N4BP2: variants seen among roughly 807,000 people sequenced by gnomAD.
N4BP2 encodes NEDD4 binding protein 2.
In N4BP2, 91 loss-of-function variants were observed where a neutral mutation model predicts 152.8. That is an observed-to-expected ratio of 0.60 (90% CI 0.50 to 0.71). The LOEUF (loss-of-function observed/expected upper bound fraction) is 0.71. Ranked by LOEUF, N4BP2 falls within the 30% of genes least tolerant of loss-of-function variation. The probability of loss-of-function intolerance (pLI) is 0.00; values close to 1 mark genes in which losing one functional copy is unlikely to be tolerated. For synonymous variants in N4BP2, 646 were observed against 705.3 expected (o/e 0.92, Z 1.33); for missense variants, 1,923 against 2,059.1 (o/e 0.93, Z 1.28).
At chr4:40,110,037 C>T (rs1716720059) in intron 5 of N4BP2, among the ~76,000 whole-genome samples, 1 of 152,068 alleles carries the variant, frequency 6.6e-6, no homozygotes, top group Admixed American at 6.5e-5. Flanking sequence ...GTGTTTTGTC[C>T]CTATAGATAA....
At chr4:40,101,688 T>C (rs67496061) in intron 3 of N4BP2, among the ~76,000 whole-genome samples, 27,538 of 152,110 alleles carry the variant, frequency 0.18, 3,131 homozygotes, top group Admixed American at 0.26. Context: ...TACTTAATAT[T>C]TAAAAGTTTG....
chr4:40,093,919 G>A (rs967468750), intron 2 of N4BP2, among the ~76,000 whole-genome samples: 1 of 152,080 alleles, frequency 6.6e-6, no homozygotes, highest in Admixed American at 6.6e-5. Context: ...ACTTTTAGTA[G>A]AGATGGGGTT....
At chr4:40,091,084 A>G (rs184805391) in intron 2 of N4BP2, among the ~76,000 whole-genome samples, 17 of 150,390 alleles carry the variant, frequency 1.1e-4, no homozygotes, top group East Asian at 1.9e-4. Context: ...AGTATGTATA[A>G]ATACAGTTTC....
intron 2 of N4BP2, among the ~76,000 whole-genome samples, chr4:40,074,270 T>C (rs1207067172): frequency 6.6e-6 from 1 of 152,152 alleles, no homozygotes. Context: ...TTTGTATTTT[T>C]AGTAGCGATG....
At chr4:40,165,708 G>T in the N4BP2 span, among the ~76,000 whole-genome samples, 3 of 152,326 alleles carry the variant, frequency 2.0e-5, no homozygotes, top group East Asian at 5.8e-4. Context: ...CACACATAGA[G>T]TGAATAGAAT....
chr4:40,085,902 T>C (rs548572132), intron 2 of N4BP2, among the ~76,000 whole-genome samples: 1 of 152,234 alleles, frequency 6.6e-6, no homozygotes, highest in South Asian at 2.1e-4. Flanking sequence ...TGCTCACACC[T>C]GTAATCCCAG....
At chr4:40,179,239 T>G in the N4BP2 span, among the ~76,000 whole-genome samples, 1 of 152,124 alleles carries the variant, frequency 6.6e-6, no homozygotes, top group East Asian at 1.9e-4. Context: ...GTGTGGTGGC[T>G]GACGCCTGTA....
Position 40,112,109 on chromosome 4 carries a change from ATC to A in N4BP2, c.1527_1528del (p.Pro510TyrfsTer5). ...RAKEAFEKKI[S>X]PIIIDNTNLQ... ...CAAAAGAAGCATTTGAGAAGAAGAT[ATC>A]TCCTATAATTATAGATAATACAAAC... On this transcript the variant is annotated frameshift_variant, in exon 6 of 18. Coordinates refer to ENST00000261435, the MANE Select transcript of N4BP2 (RefSeq NM_018177.6). LOFTEE classifies it high-confidence loss of function. 6.4e-7 allele frequency: 1 copy of A among 1,556,442 alleles called. No individual in the cohort carries two copies. The highest frequency in any genetic ancestry group is 1.2e-5 in the South Asian group (1 of 84,292).
chr4:40,110,473 A>G (rs1259301361), intron 5 of N4BP2, among the ~76,000 whole-genome samples: 1 of 151,936 alleles, frequency 6.6e-6, no homozygotes, highest in African/African-American at 2.4e-5. Context: ...TGTGGTTTCA[A>G]TTTGCTTTTC....
intron 5 of N4BP2, among the ~76,000 whole-genome samples, chr4:40,107,423 G>T (rs967563500): frequency 2.6e-5 from 4 of 150,972 alleles, no homozygotes; most frequent in Non-Finnish European, 5.9e-5. Flanking sequence ...CTCACTTTGC[G>T]CCCAGGCTGT....
At chr4:40,079,406 T>C (rs1160088819) in intron 2 of N4BP2, among the ~76,000 whole-genome samples, 1 of 151,408 alleles carries the variant, frequency 6.6e-6, no homozygotes, top group Non-Finnish European at 1.5e-5. Flanking sequence ...TGTGAGCCAC[T>C]GTGCCCACCC....
the N4BP2 span, among the ~76,000 whole-genome samples, chr4:40,179,094 C>T: frequency 1.3e-5 from 2 of 152,074 alleles, no homozygotes; most frequent in South Asian, 2.1e-4. Flanking sequence ...GGAGGCTGGG[C>T]GCAGCAGCTC....
At chr4:40,182,222 C>G in the N4BP2 span, among the ~76,000 whole-genome samples, 1 of 152,194 alleles carries the variant, frequency 6.6e-6, no homozygotes, top group Non-Finnish European at 1.5e-5. Flanking sequence ...GCTTTTCAGG[C>G]TGATACAAGA....
At chr4:40,074,380 C>T (rs1460352236) in intron 2 of N4BP2, among the ~76,000 whole-genome samples, 3 of 117,118 alleles carry the variant, frequency 2.6e-5, no homozygotes, top group African/African-American at 5.8e-5. Context: ...CGTGAGCCAC[C>T]GTGTCTGGCC....
At chr4:40,073,863 G>T (rs911848651) in intron 2 of N4BP2, among the ~76,000 whole-genome samples, 4 of 151,960 alleles carry the variant, frequency 2.6e-5, no homozygotes, top group African/African-American at 9.7e-5. Flanking sequence ...CATGATCTCA[G>T]CTCACTGCAA....
intron 2 of N4BP2, among the ~76,000 whole-genome samples, chr4:40,076,615 A>G (rs1712765389): frequency 6.6e-6 from 1 of 151,874 alleles, no homozygotes; most frequent in African/African-American, 2.4e-5. Flanking sequence ...CAGCCTCCCG[A>G]GTAGCTGGGA....
intron 1 of N4BP2, among the ~76,000 whole-genome samples, chr4:40,065,952 G>C (rs1469101816): frequency 6.6e-6 from 1 of 151,062 alleles, no homozygotes; most frequent in Non-Finnish European, 1.5e-5. Flanking sequence ...TTTTTCTTGA[G>C]ATGGAGTCTA....
At chr4:40,094,509 T>G (rs927645807) in intron 2 of N4BP2, among the ~76,000 whole-genome samples, 1 of 152,184 alleles carries the variant, frequency 6.6e-6, no homozygotes, top group Non-Finnish European at 1.5e-5. Flanking sequence ...TTTGTAGCTC[T>G]TTTTAGTGCA....
intron 15 of N4BP2, 143 bp from the exon 16 acceptor site, chr4:40,144,489 A>G (rs551152110): frequency 4.9e-6 from 3 of 612,716 alleles, no homozygotes; most frequent in East Asian, 6.0e-5. Context: ...GCATTCTTAT[A>G]TATTAAACTC....
Sources: gnomAD v4.1 joint callset for allele counts (sites outside exome capture counted in the v4.1 genomes callset) on GRCh38, gnomAD v4.1.1 for gene constraint, MANE v1.5 for transcripts, NCBI Gene and HGNC (gene_info 2026-07-23, HGNC 2026-07-21) for gene names.